The following ASB15 variants were observed in gnomAD, a reference collection of about 807,000 sequenced individuals.
The protein encoded by ASB15 is ankyrin repeat and SOCS box containing 15.
In ASB15, 54 loss-of-function variants were observed where a neutral mutation model predicts 58.0. That is an observed-to-expected ratio of 0.93 (90% CI 0.75 to 1.17). The LOEUF (loss-of-function observed/expected upper bound fraction) is 1.17, where lower values mean the gene tolerates loss of function less well. ASB15 is among the 50% of genes most tolerant of loss of function. The probability of loss-of-function intolerance (pLI) is 0.00; values close to 1 mark genes in which losing one functional copy is unlikely to be tolerated. For synonymous variants in ASB15, 249 were observed against 262.4 expected, an observed-to-expected ratio of 0.95 and a Z score of 0.50; for missense variants, 680 against 707.4, an observed-to-expected ratio of 0.96 and a Z score of 0.44.
At position 123,627,110 on chromosome 7, in the gene ASB15, G is replaced by T. The variant is rs769876808; in HGVS notation, c.698G>T (p.Gly233Val). Residue 233 changes from glycine to valine, a missense_variant and splice_region_variant, in exon 9 of 12, where the codon GGT becomes GTT. Coordinates refer to ENST00000451215, the MANE Select transcript of ASB15 (RefSeq NM_001290258.2). Reference sequence around the variant, plus strand: ...ATTATGCCACGTTTTATACTGCCAGGTGGTGATGTGCTTGCTTTGGCGGAT... The same window carrying T: ...ATTATGCCACGTTTTATACTGCCAGTTGGTGATGTGCTTGCTTTGGCGGAT... ...CDVLEHLIHK[G>V]GDVLALADDG... is the part of the protein sequence containing the mutation. The T allele has an allele frequency of 6.2e-7, 1 of 1,612,544 alleles. No individual in the cohort carries two copies. The highest frequency in any genetic ancestry group is 1.7e-5 in the Admixed American group (1 of 59,926).
At chr7:123,627,755 T>G (rs946615323) in intron 9 of ASB15, among the ~76,000 whole-genome samples, 12 of 152,348 alleles carry the variant, frequency 7.9e-5, no homozygotes, top group African/African-American at 2.6e-4. Context: ...AGTTTATAAT[T>G]TTTTATTCCA....
Position 123,628,891 on chromosome 7 carries a change from A to T in ASB15, c.897A>T (p.Thr299=), listed in dbSNP as rs1801967812. 6.4e-7 allele frequency: 1 copy of T among 1,559,564 alleles called. No homozygotes were observed. Among genetic ancestry groups the T allele is most frequent in the African/African-American group, 1.4e-5 (1 of 72,910 alleles). Residue 299 remains threonine (T), a synonymous_variant, in exon 10 of 12, where the codon ACA becomes ACT. Coordinates refer to ENST00000451215, the MANE Select transcript of ASB15 (RefSeq NM_001290258.2). ...CACTGAAATATCTTATCCCAGTAAC[A>T]TCTAAAAATGCAATTCGGAAAAGTG... The part of the protein sequence containing the change: ...YLALKYLIPV[T]SKNAIRKSGL...
chr7:123,592,097 A>G (rs1799555687), intron 1 of ASB15, among the ~76,000 whole-genome samples: 1 of 152,174 alleles, frequency 6.6e-6, no homozygotes, highest in Admixed American at 6.5e-5. Context: ...AGAGGTGTTT[A>G]TAGTATTCTG....
At chr7:123,585,346 C>G (rs1374340566) in intron 1 of ASB15, among the ~76,000 whole-genome samples, 1 of 151,626 alleles carries the variant, frequency 6.6e-6, no homozygotes, top group Non-Finnish European at 1.5e-5. Context: ...CTTCCTCCCC[C>G]TATTCCCTAA....
At chr7:123,588,558 TCTTC>T (rs990514660) in intron 1 of ASB15, among the ~76,000 whole-genome samples, 19 of 151,156 alleles carry the variant, frequency 1.3e-4, no homozygotes, top group African/African-American at 2.4e-4. Flanking sequence ...TTTCTTTCCT[TCTTC>T]CTTCCTTCCT....
At chr7:123,626,528 T>C (rs1801785557) in intron 8 of ASB15, among the ~76,000 whole-genome samples, 1 of 152,190 alleles carries the variant, frequency 6.6e-6, no homozygotes, top group Non-Finnish European at 1.5e-5. Flanking sequence ...AATTAAAAAG[T>C]CTAATGAGCC....
chr7:123,613,517 T>C (rs1032126513), intron 3 of ASB15, among the ~76,000 whole-genome samples: 9 of 152,162 alleles, frequency 5.9e-5, no homozygotes, highest in African/African-American at 2.2e-4. Flanking sequence ...TAATTTGATA[T>C]TTGGGATAAA....
At position 123,629,163 on chromosome 7, in the gene ASB15, C is replaced by G; in HGVS notation, c.1169C>G (p.Ala390Gly). The change falls in exon 10 of 12, where the codon GCC becomes GGC. Residue 390 changes from alanine to glycine, a missense_variant. Ala to Gly is a moderately conservative substitution (Grantham distance 60). Coordinates refer to ENST00000451215, the MANE Select transcript of ASB15 (RefSeq NM_001290258.2). ...AACTGTCTACTTGTTGCAGTGAGGG[C>G]CAATAATTATGAAATTGTCAGGCTG... ...PLNCLLVAVRANNYEIVRLLL... is the reference protein window; with the variant it reads ...PLNCLLVAVRGNNYEIVRLLL... 2 of 1,614,104 alleles carry G rather than the reference C, an allele frequency of 1.2e-6. No homozygotes were observed. Among genetic ancestry groups the G allele is most frequent in the Non-Finnish European group, 1.7e-6 (2 of 1,179,958 alleles).
At chr7:123,590,354 T>G (rs1359063915) in intron 1 of ASB15, among the ~76,000 whole-genome samples, 2 of 152,250 alleles carry the variant, frequency 1.3e-5, no homozygotes, top group Admixed American at 1.3e-4. Flanking sequence ...TTTTGGCTTT[T>G]GTTGCCATTG....
chr7:123,633,297 GATAAA>G (rs1413501012), intron 11 of ASB15, among the ~76,000 whole-genome samples: 7 of 151,752 alleles, frequency 4.6e-5, no homozygotes, highest in East Asian at 3.9e-4. Context: ...TTAGTACATA[GATAAA>G]ATAAATAATA....
chr7:123,568,805 T>G (rs1009908722), intron 1 of ASB15, among the ~76,000 whole-genome samples: 13 of 152,100 alleles, frequency 8.5e-5, no homozygotes, highest in Non-Finnish European at 1.3e-4. Context: ...GTAATTATTT[T>G]AAAAATGAAT....
intron 1 of ASB15, among the ~76,000 whole-genome samples, chr7:123,589,955 A>G (rs1257951875): frequency 1.3e-5 from 2 of 152,100 alleles, no homozygotes; most frequent in African/African-American, 2.4e-5. Context: ...AAGCGTTCCT[A>G]TTTCTCCACA....
At chr7:123,635,426 G>C (rs181603637) in intron 11 of ASB15, among the ~76,000 whole-genome samples, 2 of 151,996 alleles carry the variant, frequency 1.3e-5, no homozygotes, top group African/African-American at 4.8e-5. Context: ...AAATGGTGAG[G>C]CTTAGATAAG....
chr7:123,598,681 G>T (rs1799778677), upstream of ASB15: 1 of 152,156 alleles, frequency 6.6e-6, no homozygotes, highest in Non-Finnish European at 1.5e-5. Context: ...TAGACAAAGT[G>T]AACTTTGAAA....
In ASB15 at chr7:123,623,901, TG is replaced by T. The variant is rs1562935556; in HGVS notation, c.452-666del. On this transcript the variant is annotated intron_variant, in intron 7 of 11. Transcript: ENST00000451215. ...AGAAAAGAAAAGAAGAAAGAAAGAATGGAAGGAAGGAAGGAAGGAAGAAAGA... is the reference window on the plus strand; with the variant it reads ...AGAAAAGAAAAGAAGAAAGAAAGAATGAAGGAAGGAAGGAAGGAAGAAAGA... 2.1e-5 allele frequency among the ~76,000 whole-genome samples: 2 copies of T among 96,812 alleles called. 1 individual carries two copies. Among genetic ancestry groups the T allele is most frequent in the East Asian group, 5.8e-4 (2 of 3,454 alleles). 63.5% of individuals were successfully genotyped at this position (96,812 alleles called of 152,430 possible). A position where few individuals can be genotyped will look rare whatever the true frequency, so the allele number is the denominator to read the frequency against.
At chr7:123,589,324 C>CATT (rs1274381918) in intron 1 of ASB15, among the ~76,000 whole-genome samples, 2 of 96,504 alleles carry the variant, frequency 2.1e-5, no homozygotes, top group South Asian at 3.2e-4. Flanking sequence ...TTATTATTAT[C>CATT]ATTATTATTA....
intron 7 of ASB15, among the ~76,000 whole-genome samples, chr7:123,618,422 C>T (rs1458894521): frequency 6.6e-6 from 1 of 152,162 alleles, no homozygotes; most frequent in Non-Finnish European, 1.5e-5. Flanking sequence ...CACGTGAGAT[C>T]ACTGGGTTTA....
At chr7:123,593,899 G>A (rs10953982) in intron 1 of ASB15, among the ~76,000 whole-genome samples, 44,748 of 151,964 alleles carry the variant, frequency 0.29, 6,731 homozygotes, top group East Asian at 0.4. Context: ...AATTCTCCCC[G>A]TCACTTTCAG....
intron 3 of ASB15, among the ~76,000 whole-genome samples, chr7:123,610,883 C>A (rs991804243): frequency 6.6e-6 from 1 of 151,754 alleles, no homozygotes; most frequent in Non-Finnish European, 1.5e-5. Context: ...TGGCTCATGC[C>A]TGTAATCCTA....
Sources: allele counts gnomAD v4.1 joint callset (sites outside exome capture counted in the v4.1 genomes callset), GRCh38; gene constraint gnomAD v4.1.1; transcripts MANE v1.5; gene names NCBI Gene and HGNC (gene_info 2026-07-23, HGNC 2026-07-21).